SMG6: variants seen among roughly 807,000 people sequenced by gnomAD.
SMG6 encodes telomerase-binding protein EST1A.
SMG6 carries 66 observed loss-of-function variants against 142.2 expected under a neutral mutation model. That is an observed-to-expected ratio of 0.46 (90% CI 0.38 to 0.57). The LOEUF (loss-of-function observed/expected upper bound fraction) is 0.57. Among genes scored for constraint, SMG6 ranks in the 20% least tolerant of loss-of-function variants. SMG6 has a pLI of 0.00. For missense variants in SMG6, 1,793 were observed against 1,832.0 expected (o/e 0.98, Z 0.39); for synonymous variants, 779 against 702.4 (o/e 1.11, Z -1.72).
chr17:2,135,422 G>C (rs2070262409), intron 13 of SMG6, among the ~76,000 whole-genome samples: 1 of 152,110 alleles, frequency 6.6e-6, no homozygotes. Flanking sequence ...TACTCCTCTT[G>C]TCTAATAAAA....
chr17:2,204,942 A>C (rs998276359), intron 10 of SMG6, among the ~76,000 whole-genome samples: 10 of 151,780 alleles, frequency 6.6e-5, no homozygotes, highest in Non-Finnish European at 1.5e-4. Context: ...CAGCCTGGGC[A>C]ACAGAGTAAA....
At chr17:2,093,116 C>T (rs765225573) in intron 13 of SMG6, among the ~76,000 whole-genome samples, 14 of 151,910 alleles carry the variant, frequency 9.2e-5, no homozygotes, top group Non-Finnish European at 1.8e-4. Flanking sequence ...ATCTATTGAA[C>T]CCAGGAAGTG....
chr17:2,130,981 C>T (rs11652757), intron 13 of SMG6, among the ~76,000 whole-genome samples: 46,973 of 151,900 alleles, frequency 0.31, 9,386 homozygotes, highest in Non-Finnish European at 0.43. Flanking sequence ...CCAGCCTGGA[C>T]GACAAGAGCA....
At chr17:2,234,484 A>G (rs1467548770) in intron 10 of SMG6, among the ~76,000 whole-genome samples, 2 of 151,764 alleles carry the variant, frequency 1.3e-5, no homozygotes, top group Non-Finnish European at 2.9e-5. Context: ...GCTGGTCTCA[A>G]TCTCCTGACC....
chr17:2,284,560 A>G (rs2074861882), intron 6 of SMG6, among the ~76,000 whole-genome samples: 1 of 152,160 alleles, frequency 6.6e-6, no homozygotes, highest in South Asian at 2.1e-4. Context: ...CTTCATGTAC[A>G]TTTTCAATGT....
chr17:2,186,072 C>T (rs1024813413), intron 12 of SMG6, among the ~76,000 whole-genome samples: 2 of 151,642 alleles, frequency 1.3e-5, no homozygotes, highest in Non-Finnish European at 2.9e-5. Flanking sequence ...CCGAAAAATA[C>T]AAAAAATGAG....
chr17:2,080,134 T>C (rs2068374945), intron 15 of SMG6, among the ~76,000 whole-genome samples: 1 of 144,246 alleles, frequency 6.9e-6, no homozygotes, highest in South Asian at 2.2e-4. Flanking sequence ...GAATGATGGA[T>C]CTTGGCCAGT....
intron 13 of SMG6, among the ~76,000 whole-genome samples, chr17:2,089,411 G>T (rs1049450670): frequency 6.6e-6 from 1 of 152,130 alleles, no homozygotes; most frequent in Non-Finnish European, 1.5e-5. Context: ...CTCAGTCACA[G>T]TCCTGACCCT....
intron 10 of SMG6, among the ~76,000 whole-genome samples, chr17:2,221,099 G>A (rs2073157941): frequency 6.6e-6 from 1 of 152,212 alleles, no homozygotes; most frequent in African/African-American, 2.4e-5. Flanking sequence ...AACTTACGCT[G>A]TTCTATAGAA....
At chr17:2,274,838 T>C (rs990033410) in intron 8 of SMG6, among the ~76,000 whole-genome samples, 6 of 152,130 alleles carry the variant, frequency 3.9e-5, no homozygotes, top group African/African-American at 1.4e-4. Context: ...CAAACACCTA[T>C]TGGCCACATG....
chr17:2,213,277 A>C (rs2072917174), intron 10 of SMG6, among the ~76,000 whole-genome samples: 1 of 152,214 alleles, frequency 6.6e-6, no homozygotes, highest in African/African-American at 2.4e-5. Flanking sequence ...AAATCAATTA[A>C]GTTAACTACA....
intron 13 of SMG6, chr17:2,087,719 G>A (rs552746219): frequency 1.0e-6 from 1 of 987,192 alleles, no homozygotes; most frequent in Admixed American, 6.1e-5. Context: ...AAATACAGAA[G>A]CAGGGGCTAA....
chr17:2,186,592 G>C (rs954327706), intron 12 of SMG6, 71 bp downstream of exon 12: 2 of 1,549,982 alleles, frequency 1.3e-6, no homozygotes, highest in Non-Finnish European at 1.8e-6. Flanking sequence ...AGAGCAGGAT[G>C]AAGAGGGGAG....
chr17:2,282,720 C>T lies in SMG6; in HGVS notation c.2588G>A (p.Arg863Gln), dbSNP rs765381470. ...CCCAGACTCAGTGCCCTGGGAAGAC[C>T]GTGGATGGGATGGATGAATCCAGAT... is the stretch of plus-strand genomic sequence containing the variant. ...LEIWIHPSHP[R>Q]SSQGTESGKD... Residue 863 changes from arginine to glutamine, a missense_variant, in exon 8 of 19, where the codon CGG (arginine) becomes CAG (glutamine). Coordinates refer to ENST00000263073, the MANE Select transcript of SMG6 (RefSeq NM_017575.5). The T allele has an allele frequency of 6.8e-6, 11 of 1,613,998 alleles. No individual in the cohort carries two copies. The South Asian group carries it at 7.7e-5, about 11-fold the overall frequency.
At chr17:2,066,565 C>T (rs1189298326) in intron 16 of SMG6, among the ~76,000 whole-genome samples, 1 of 151,154 alleles carries the variant, frequency 6.6e-6, no homozygotes. Flanking sequence ...GCTCAGGGAG[C>T]CGGCGTGAGC....
intron 6 of SMG6, among the ~76,000 whole-genome samples, chr17:2,286,640 TC>T (rs1245691550): frequency 6.6e-6 from 1 of 152,068 alleles, no homozygotes; most frequent in African/African-American, 2.4e-5. Context: ...GAGGTAAAAG[TC>T]TAAAACTCTA....
At chr17:2,119,586 G>C (rs1283863505) in intron 13 of SMG6, among the ~76,000 whole-genome samples, 8 of 152,096 alleles carry the variant, frequency 5.3e-5, no homozygotes, top group Non-Finnish European at 1.2e-4. Context: ...TGCAACCTCT[G>C]CCTCCTGGGT....
At chr17:2,135,915 G>T (rs1224008887) in intron 13 of SMG6, among the ~76,000 whole-genome samples, 3 of 129,876 alleles carry the variant, frequency 2.3e-5, no homozygotes, top group African/African-American at 9.5e-5. Context: ...TTGAACGCTT[G>T]GACTCAATCC....
chr17:2,134,419 CAAAAAAAA>C (rs58429166), intron 13 of SMG6, among the ~76,000 whole-genome samples: 2 of 28,720 alleles, frequency 7.0e-5, no homozygotes, highest in South Asian at 6.6e-3. Flanking sequence ...GACTCCATCT[CAAAAAAAA>C]AAAAAAAAAA....
Sources: allele counts gnomAD v4.1 joint callset (sites outside exome capture counted in the v4.1 genomes callset), GRCh38; gene constraint gnomAD v4.1.1; transcripts MANE v1.5; gene names NCBI Gene and HGNC (gene_info 2026-07-23, HGNC 2026-07-21).